USP20: variants seen among roughly 807,000 people sequenced by gnomAD.
The protein encoded by USP20 is ubiquitin specific peptidase 20.
In USP20, 80 loss-of-function variants were observed where a neutral mutation model predicts 124.2. The ratio of observed to expected loss-of-function variants is 0.64; its 90% confidence interval spans 0.54 to 0.78. USP20 has a LOEUF of 0.78. Ranked by LOEUF, USP20 falls within the 30% of genes least tolerant of loss-of-function variation. The pLI is 0.00. For missense variants in USP20, 1,043 were observed against 1,244.4 expected, an observed-to-expected ratio of 0.84 and a Z score of 2.44; for synonymous variants, 481 against 512.3, an observed-to-expected ratio of 0.94 and a Z score of 0.83.
At position 129,852,631 on chromosome 9, in the gene USP20, T is replaced by G; in HGVS notation, c.76T>G (p.Ser26Ala). 6.3e-7 allele frequency: 1 copy of G among 1,589,076 alleles called. No individual in the cohort carries two copies. Among genetic ancestry groups the G allele is most frequent in the Non-Finnish European group, 8.6e-7 (1 of 1,166,456 alleles). ...GACCAAAGAGGACTTGCTGCTCAAATCTAAGGTAAAGGGTCAGACCTTACG... is the reference window on the plus strand; with the variant it reads ...GACCAAAGAGGACTTGCTGCTCAAAGCTAAGGTAAAGGGTCAGACCTTACG... The part of the protein sequence containing the change: ...EVTKEDLLLK[S>A]KGTCQSCGVT... The change falls in exon 3 of 26, where the codon TCT becomes GCT. Residue 26 changes from serine (S) to alanine (A), a missense_variant. Transcript: ENST00000372429.
chr9:129,863,592 G>A (rs950652820), intron 9 of USP20, among the ~76,000 whole-genome samples: 1 of 152,220 alleles, frequency 6.6e-6, no homozygotes, highest in Non-Finnish European at 1.5e-5. Context: ...ACTGGTAGAT[G>A]TCTTTGCCAA....
intron 3 of USP20, among the ~76,000 whole-genome samples, chr9:129,853,792 A>G (rs997601657): frequency 6.6e-6 from 1 of 152,042 alleles, no homozygotes; most frequent in African/African-American, 2.4e-5. Flanking sequence ...CAGGGGGGGG[A>G]TGAAGCAGGT....
intron 1 of USP20, among the ~76,000 whole-genome samples, chr9:129,846,241 A>AT (rs1226898360): frequency 0.033 from 866 of 26,120 alleles, 16 homozygotes; most frequent in East Asian, 0.11. Context: ...ATATATATAT[A>AT]TATATATTTT....
chr9:129,868,306 A>G lies in USP20; in HGVS notation c.992A>G (p.Lys331Arg), dbSNP rs750299434. The change falls in exon 11 of 26, where the codon AAG (lysine) becomes AGG (arginine). Residue 331 changes from lysine to arginine, a missense_variant. By Grantham distance (26) the Lys-to-Arg change is conservative (BLOSUM62 2). Transcript: ENST00000372429. The part of the protein sequence containing the change: ...ISEKERMKDR[K>R]FSWGQQRTNS... ...GAGAAGGAGCGGATGAAGGACCGCA[A>G]GTTCTCCTGGGGCCAGCAGCGTACA... The G allele has an allele frequency of 3.4e-5, 55 of 1,613,770 alleles. No homozygotes were observed. In the Admixed American group the frequency reaches 7.5e-4, roughly 22 times the overall value.
chr9:129,875,516 A>C (rs2131098818), intron 20 of USP20, 37 bp downstream of exon 20: 2 of 1,613,294 alleles, frequency 1.2e-6, no homozygotes, highest in Admixed American at 1.7e-5. Flanking sequence ...CAGGGTGGGC[A>C]GCTGGGCCGA....
intron 7 of USP20, 57 bp from the exon 8 acceptor site, chr9:129,861,486 G>A: frequency 6.5e-7 from 1 of 1,546,368 alleles, no homozygotes; most frequent in Non-Finnish European, 8.9e-7. Context: ...GACTTGCAAG[G>A]TTTCCTCGGT....
At chr9:129,865,587 A>G (rs1463721575) in intron 10 of USP20, among the ~76,000 whole-genome samples, 4 of 152,184 alleles carry the variant, frequency 2.6e-5, no homozygotes, top group Non-Finnish European at 5.9e-5. Flanking sequence ...CCCACTTCAC[A>G]GATGGACAGA....
chr9:129,873,496 A>C lies in USP20; in HGVS notation c.1675A>C (p.Ser559Arg), dbSNP rs2034233397. Residue 559 changes from serine (S) to arginine (R), a missense_variant, in exon 16 of 26, where the codon AGC (serine) becomes CGC (arginine). Transcript: ENST00000372429. ...ADELKGDNMYSCERCKKLRNG... is the reference protein window; with the variant it reads ...ADELKGDNMYRCERCKKLRNG... Reference sequence around the variant, plus strand: ...TACTGCCCTAGGTGACAACATGTACAGCTGTGAGCGGTGTAAGAAGTAAGT... The same window carrying C: ...TACTGCCCTAGGTGACAACATGTACCGCTGTGAGCGGTGTAAGAAGTAAGT... 2 of 1,614,080 alleles carry C rather than the reference A, an allele frequency of 1.2e-6. No homozygotes were observed. The highest frequency in any genetic ancestry group is 1.7e-6 in the Non-Finnish European group (2 of 1,180,010).
At position 129,868,985 on chromosome 9, in the gene USP20, C is replaced by A; in HGVS notation, c.1259C>A (p.Ser420Ter). ...GCAAGCCCCGTGAGGATGGCACCGT[C>A]GTACGTGCTCAAGAAAGGTTCGGGG... ...PRASPVRMAPSYVLKKAQVLS... is the reference protein window; with the variant it reads ...PRASPVRMAP The change falls in exon 12 of 26, where the codon TCG becomes TAG. Residue 420 changes from serine to a stop codon, truncating the protein, a stop_gained. Transcript: ENST00000372429. LOFTEE classifies it high-confidence loss of function. 1.2e-6 allele frequency: 2 copies of A among 1,610,326 alleles called. No individual in the cohort carries two copies. The highest frequency in any genetic ancestry group is 1.7e-6 in the Non-Finnish European group (2 of 1,177,866).
rs754726085 is a variant in USP20 at position 129,869,007 on chromosome 9, G to A, written c.1276+5G>A. On this transcript the variant is annotated splice_donor_5th_base_variant and intron_variant, in intron 12 of 25. Transcript: ENST00000372429. ...CGTCGTACGTGCTCAAGAAAGGTTC[G>A]GGGGGCACGGGAGGGTGGGTCAGCT... The A allele has an allele frequency of 8.8e-6, 14 of 1,598,642 alleles. No homozygotes were observed. The highest frequency in any genetic ancestry group is 4.3e-6 in the Non-Finnish European group (5 of 1,171,120).
rs1039067767 is a variant in USP20 at position 129,839,988 on chromosome 9, C to T, written c.-129+4489C>T. On this transcript the variant is annotated intron_variant, in intron 1 of 25. Coordinates refer to ENST00000372429, the MANE Select transcript of USP20 (RefSeq NM_001110303.4). This position sits in a 1 kb window ranked among gnomAD's most constrained non-coding sequence, Gnocchi z 4.5. ...TGAGCCTGAAGCATCTTGGAGGTCTCCTGGGGCCAGCAATGGTGGGCTCTT... is the reference window on the plus strand; with the variant it reads ...TGAGCCTGAAGCATCTTGGAGGTCTTCTGGGGCCAGCAATGGTGGGCTCTT... Among the ~76,000 whole-genome samples the T allele has an allele frequency of 1.3e-5, 2 of 152,128 alleles. No homozygotes were observed. Among genetic ancestry groups the T allele is most frequent in the African/African-American group, 4.8e-5 (2 of 41,434 alleles).
chr9:129,856,640 G>T (rs1275852411), intron 4 of USP20, among the ~76,000 whole-genome samples: 1 of 152,256 alleles, frequency 6.6e-6, no homozygotes, highest in Non-Finnish European at 1.5e-5. Flanking sequence ...TTCTAGCTTG[G>T]CATGAATATG....
chr9:129,872,428 C>G (rs2034170952), intron 15 of USP20, among the ~76,000 whole-genome samples: 2 of 152,182 alleles, frequency 1.3e-5, no homozygotes, highest in Admixed American at 6.5e-5. Flanking sequence ...GCTGGGATTA[C>G]AGGTGTGAGC....
Position 129,865,324 on chromosome 9 carries a change from C to G in USP20, c.633C>G (p.Thr211=). 2 of 1,614,182 alleles carry G rather than the reference C, an allele frequency of 1.2e-6. No homozygotes were observed. Among genetic ancestry groups the G allele is most frequent in the Non-Finnish European group, 1.7e-6 (2 of 1,180,010 alleles). The change falls in exon 10 of 26, where the codon ACC becomes ACG. Residue 211 remains threonine, a synonymous_variant. Transcript: ENST00000372429. ...ACAGGCCAAGCTACGTGGTCCCCAC[C>G]AGTCTGTCTCATGGGATCAAGTTGG... The part of the protein sequence containing the change: ...HKKRPSYVVP[T]SLSHGIKLVN...
chr9:129,876,382 T>A, intron 22 of USP20, 144 bp downstream of exon 22: 1 of 665,784 alleles, frequency 1.5e-6, no homozygotes, highest in Non-Finnish European at 2.6e-6. Flanking sequence ...CTCACACCTG[T>A]AATCCCAGCA....
intron 1 of USP20, among the ~76,000 whole-genome samples, chr9:129,838,689 G>A (rs2032018163): frequency 6.6e-6 from 1 of 152,198 alleles, no homozygotes; most frequent in Non-Finnish European, 1.5e-5. Context: ...CAGAAATCAT[G>A]ATTTTCCTAG....
In USP20 at chr9:129,868,931, A is replaced by G; in HGVS notation, c.1205A>G (p.His402Arg). 1 of 1,612,720 alleles carries G rather than the reference A, an allele frequency of 6.2e-7. No individual in the cohort carries two copies. The highest frequency in any genetic ancestry group is 8.5e-7 in the Non-Finnish European group (1 of 1,179,344). Residue 402 changes from histidine (H) to arginine (R), a missense_variant, in exon 12 of 26, where the codon CAT becomes CGT. Coordinates refer to ENST00000372429, the MANE Select transcript of USP20 (RefSeq NM_001110303.4). ...AGCCCCGTCCACCACCACGAGGGCC[A>G]TGCCAAGCTGTCTAGCAGCCCCCCT... Reference protein sequence around the residue: ...PCSPVHHHEGHAKLSSSPPRA... With the variant: ...PCSPVHHHEGRAKLSSSPPRA...
chr9:129,847,615 A>T (rs190025349), intron 1 of USP20, among the ~76,000 whole-genome samples: 116 of 152,214 alleles, frequency 7.6e-4, no homozygotes, highest in African/African-American at 2.6e-3. Flanking sequence ...TCTGATTTAA[A>T]ATGCTTTTAA....
chr9:129,875,385 G>A lies in USP20; in HGVS notation c.2124G>A (p.Leu708=), dbSNP rs779880379. ...SLAAMREPSL[L]RFYVSREWLN... ...CCGCCATGCGGGAGCCCAGCCTGCT[G>A]CGGTTCTACGTGTCCCGCGAGTGGC... Residue 708 remains leucine, a synonymous_variant, in exon 20 of 26, where the codon CTG becomes CTA. Transcript: ENST00000372429. 10 of 1,613,312 alleles carry A rather than the reference G, an allele frequency of 6.2e-6. No individual in the cohort carries two copies. In the Admixed American group the frequency reaches 1.5e-4, roughly 24 times the overall value.
Sources: allele counts gnomAD v4.1 joint callset (sites outside exome capture counted in the v4.1 genomes callset), GRCh38; gene constraint gnomAD v4.1.1; non-coding constraint Gnocchi (gnomAD v3.1); transcripts MANE v1.5; gene names NCBI Gene and HGNC (gene_info 2026-07-23, HGNC 2026-07-21).